Variants in ESRRG observed in about 807,000 individuals in gnomAD.
ESRRG encodes estrogen related receptor gamma, also known as estrogen-related receptor gamma.
Under a neutral mutation model 44.0 loss-of-function variants are expected in ESRRG, and 13 were observed. The observed-to-expected ratio is 0.30, with a 90% confidence interval of 0.19 to 0.47. The LOEUF is 0.47. ESRRG is among the 20% of genes least tolerant of loss of function. ESRRG has a pLI of 1.00. For missense variants in ESRRG, 395 were observed against 580.6 expected, an observed-to-expected ratio of 0.68 and a Z score of 3.29; for synonymous variants, 215 against 214.6, an observed-to-expected ratio of 1.00 and a Z score of -0.02.
intron 1 of ESRRG, among the ~76,000 whole-genome samples, chr1:217,089,115 A>C (rs778571355): frequency 1.3e-5 from 2 of 151,880 alleles, no homozygotes; most frequent in East Asian, 1.9e-4. Context: ...CCCCTGCTCC[A>C]TATCCCCTCA....
chr1:217,128,095 A>G (rs1424842967), intron 1 of ESRRG, among the ~76,000 whole-genome samples: 1 of 152,216 alleles, frequency 6.6e-6, no homozygotes, highest in African/African-American at 2.4e-5. Context: ...CACACTCCAT[A>G]AAATGACAAA....
At position 217,110,302 on chromosome 1, in the gene ESRRG, C is replaced by T. The variant is rs540337281; in HGVS notation, c.-230+27365G>A. 3.9e-5 allele frequency among the ~76,000 whole-genome samples: 6 copies of T among 152,226 alleles called. No homozygotes were observed. The East Asian group carries it at 9.7e-4, about 25-fold the overall frequency. ...GTGCTATGGCAATCCCTTTAAATCA[C>T]CTAAAGTTGCTTTTTGGGCTTCCAA... On this transcript the variant is annotated intron_variant, in intron 1 of 8. Transcript: ENST00000366940.
upstream of ESRRG, among the ~76,000 whole-genome samples, chr1:217,092,465 A>G (rs2092363256): frequency 2.0e-5 from 3 of 152,222 alleles, no homozygotes; most frequent in Admixed American, 2.0e-4. Context: ...AGAGAAGTTG[A>G]GTAATTTGCT....
intron 3 of ESRRG, among the ~76,000 whole-genome samples, chr1:216,573,218 CAT>C (rs1475242005): frequency 6.6e-6 from 1 of 151,916 alleles, no homozygotes; most frequent in African/African-American, 2.4e-5. Flanking sequence ...ACTGTAATAA[CAT>C]AATACTTTAT....
intron 1 of ESRRG, among the ~76,000 whole-genome samples, chr1:216,713,743 G>T (rs1434994981): frequency 6.6e-6 from 1 of 152,110 alleles, no homozygotes; most frequent in African/African-American, 2.4e-5. Flanking sequence ...ACACTCAAAA[G>T]CACCCCTCCT....
chr1:216,631,090 A>G (rs2064093939), intron 3 of ESRRG, among the ~76,000 whole-genome samples: 1 of 152,174 alleles, frequency 6.6e-6, no homozygotes, highest in African/African-American at 2.4e-5. Flanking sequence ...GAAAAGAAAA[A>G]AAAAAAAAAT....
intron 2 of ESRRG, among the ~76,000 whole-genome samples, chr1:216,906,110 T>C (rs2059658705): frequency 6.6e-6 from 1 of 152,232 alleles, no homozygotes; most frequent in East Asian, 1.9e-4. Flanking sequence ...ATGCACAGTA[T>C]GTACTAGTGA....
At chr1:217,007,421 G>A (rs1579396501) in intron 1 of ESRRG, among the ~76,000 whole-genome samples, 1 of 152,126 alleles carries the variant, frequency 6.6e-6, no homozygotes, top group South Asian at 2.1e-4. Flanking sequence ...CTAAGTCAAT[G>A]ACATTTTCAT....
chr1:216,865,372 A>G (rs1397384868), intron 2 of ESRRG, among the ~76,000 whole-genome samples: 2 of 151,972 alleles, frequency 1.3e-5, no homozygotes, highest in African/African-American at 4.8e-5. Flanking sequence ...TTAAATGAAC[A>G]TTGCTCAGGT....
intron 2 of ESRRG, among the ~76,000 whole-genome samples, chr1:216,891,623 A>G (rs1297088341): frequency 2.0e-5 from 3 of 152,198 alleles, no homozygotes; most frequent in African/African-American, 7.2e-5. Context: ...CCCGTACCAT[A>G]GAGATAGCAA....
intron 5 of ESRRG, among the ~76,000 whole-genome samples, chr1:216,544,642 A>C (rs1462435442): frequency 2.6e-5 from 4 of 152,086 alleles, no homozygotes; most frequent in African/African-American, 9.7e-5. Flanking sequence ...AAGAAGAGTT[A>C]ATCTAGTTAG....
At chr1:216,686,195 T>C (rs1379145020) in intron 1 of ESRRG, 1 of 152,044 alleles carries the variant, frequency 6.6e-6, no homozygotes, top group Non-Finnish European at 1.5e-5. Flanking sequence ...CCAGCTGAAG[T>C]AGGAGAGTAG....
intron 5 of ESRRG, among the ~76,000 whole-genome samples, chr1:216,555,983 A>C (rs943219919): frequency 2.6e-5 from 4 of 152,130 alleles, no homozygotes; most frequent in African/African-American, 4.8e-5. Flanking sequence ...AAAGGAGCAA[A>C]GGGGAAAACA....
chr1:216,970,950 G>A (rs1320159870), intron 1 of ESRRG, among the ~76,000 whole-genome samples: 1 of 152,148 alleles, frequency 6.6e-6, no homozygotes, highest in African/African-American at 2.4e-5. Context: ...TAAATCCAAG[G>A]AAGGAAGATT....
intron 3 of ESRRG, among the ~76,000 whole-genome samples, chr1:216,601,317 A>C (rs1047874477): frequency 1.3e-5 from 2 of 151,736 alleles, no homozygotes; most frequent in Non-Finnish European, 1.5e-5. Flanking sequence ...CCTGGGAGCC[A>C]CCGCGGAGGG....
intron 2 of ESRRG, among the ~76,000 whole-genome samples, chr1:216,873,682 G>A (rs2096293257): frequency 1.3e-5 from 2 of 151,472 alleles, no homozygotes; most frequent in Non-Finnish European, 2.9e-5. Flanking sequence ...CACAGTGCAA[G>A]GAGAGAGACA....
At chr1:217,023,153 A>T (rs1359043198) in intron 1 of ESRRG, among the ~76,000 whole-genome samples, 2 of 152,226 alleles carry the variant, frequency 1.3e-5, no homozygotes, top group Non-Finnish European at 2.9e-5. Flanking sequence ...CAAAATGTAC[A>T]CTAACTTAAA....
intron 2 of ESRRG, among the ~76,000 whole-genome samples, chr1:216,887,695 C>A (rs578261784): frequency 6.6e-6 from 1 of 152,236 alleles, no homozygotes; most frequent in Non-Finnish European, 1.5e-5. Context: ...CTCCTACCCA[C>A]TTCCTCTGAA....
At chr1:216,891,598 A>C (rs995867081) in intron 2 of ESRRG, among the ~76,000 whole-genome samples, 1 of 152,206 alleles carries the variant, frequency 6.6e-6, no homozygotes, top group African/African-American at 2.4e-5. Flanking sequence ...TCATCAGCTT[A>C]GATCCTAGAC....
Sources: allele counts gnomAD v4.1 joint callset (sites outside exome capture counted in the v4.1 genomes callset), GRCh38; gene constraint gnomAD v4.1.1; transcripts MANE v1.5; gene names NCBI Gene and HGNC (gene_info 2026-07-23, HGNC 2026-07-21).